SYCP1: variants seen among roughly 807,000 people sequenced by gnomAD.
The protein encoded by SYCP1 is synaptonemal complex protein 1.
In SYCP1, 64 loss-of-function variants were observed where a neutral mutation model predicts 153.1. The observed-to-expected ratio is 0.42, with a 90% CI of 0.34 to 0.51. The LOEUF (loss-of-function observed/expected upper bound fraction) is 0.51. Among genes scored for constraint, SYCP1 ranks in the 20% least tolerant of loss-of-function variants. SYCP1 has a pLI of 0.06. For missense variants in SYCP1, 997 were observed against 1,049.0 expected, an observed-to-expected ratio of 0.95 and a Z score of 0.68; for synonymous variants, 384 against 341.8, an observed-to-expected ratio of 1.12 and a Z score of -1.36.
chr1:114,950,460 T>G (rs1436968358), intron 27 of SYCP1, among the ~76,000 whole-genome samples: 5 of 152,098 alleles, frequency 3.3e-5, no homozygotes, highest in Admixed American at 2.6e-4. Flanking sequence ...TATAAAATAT[T>G]AATACAGAAA....
intron 18 of SYCP1, among the ~76,000 whole-genome samples, chr1:114,912,659 G>A (rs360661): frequency 0.49 from 73,958 of 151,656 alleles, 19,280 homozygotes; most frequent in Non-Finnish European, 0.59. Context: ...ACTTTAATCA[G>A]GTTATAGGAA....
chr1:114,869,835 G>T (rs1291131224), intron 8 of SYCP1, among the ~76,000 whole-genome samples: 1 of 152,098 alleles, frequency 6.6e-6, no homozygotes, highest in Admixed American at 6.5e-5. Context: ...TGCCTGCTGG[G>T]TCTGTCCATT....
intron 14 of SYCP1, among the ~76,000 whole-genome samples, chr1:114,886,523 G>T (rs1431161853): frequency 1.3e-5 from 2 of 152,060 alleles, no homozygotes; most frequent in Non-Finnish European, 2.9e-5. Flanking sequence ...TGTTCTCTAG[G>T]ATAGTTCTCA....
At chr1:114,875,616 C>T (rs72694077) in intron 9 of SYCP1, among the ~76,000 whole-genome samples, 9,264 of 152,150 alleles carry the variant, frequency 0.061, 322 homozygotes, top group Middle Eastern at 0.14. Context: ...AATAGGCACT[C>T]AGTAATTAAT....
chr1:114,908,625 C>T (rs187808707), intron 16 of SYCP1, among the ~76,000 whole-genome samples: 102 of 152,294 alleles, frequency 6.7e-4, no homozygotes, highest in Non-Finnish European at 1.1e-3. Context: ...TCCTTGTAAT[C>T]TCCATTGTGC....
intron 13 of SYCP1, 120 bp downstream of exon 13, chr1:114,885,749 A>G: frequency 1.7e-6 from 1 of 597,136 alleles, no homozygotes. Flanking sequence ...TAGAGAAGAC[A>G]CAATCCTAGT....
Position 114,995,298 on chromosome 1 carries a change from G to T in SYCP1, c.*279G>T. The T allele has an allele frequency of 4.4e-6, 1 of 226,036 alleles. No individual in the cohort carries two copies. Among genetic ancestry groups the T allele is most frequent in the Non-Finnish European group, 8.6e-6 (1 of 115,754 alleles). The allele number at this position is 226,036 out of a possible 1,614,324, so 14.0% of individuals were successfully genotyped here. A position where few individuals can be genotyped will look rare whatever the true frequency, so the allele number is the denominator to read the frequency against. On this transcript the variant is annotated 3_prime_UTR_variant, in exon 32 of 32. Transcript: ENST00000369522. Reference sequence around the variant, plus strand: ...CTAAGTTTTCAAATTTGTAAAGTTAGCCTTTGAATGCTAAGAATGCATTAT... The same window carrying T: ...CTAAGTTTTCAAATTTGTAAAGTTATCCTTTGAATGCTAAGAATGCATTAT...
chr1:114,940,902 G>A (rs969584686), intron 23 of SYCP1, among the ~76,000 whole-genome samples: 1 of 151,864 alleles, frequency 6.6e-6, no homozygotes, highest in African/African-American at 2.4e-5. Context: ...AATGATTGTG[G>A]ATTTCTGTTT....
rs1664255714 is a variant in SYCP1, at chr1:114,859,810, A to T, written c.524A>T (p.Glu175Val). The change falls in exon 7 of 32, where the codon GAG (glutamate) becomes GTG (valine). Residue 175 changes from glutamate to valine, a missense_variant and splice_region_variant. By Grantham distance (121) the Glu-to-Val change is moderately radical. Transcript: ENST00000369522. Reference sequence around the variant, plus strand: ...CAAGAAAATAAAGATTTAATAAAAGAGTAAGTAGTAATTTAATGAATTTGT... The same window carrying T: ...CAAGAAAATAAAGATTTAATAAAAGTGTAAGTAGTAATTTAATGAATTTGT... Reference protein sequence around the residue: ...GIQENKDLIKENNATRHLCNL... With the variant: ...GIQENKDLIKVNNATRHLCNL... 1.4e-6 allele frequency: 1 copy of T among 695,718 alleles called. No homozygotes were observed. The highest frequency in any genetic ancestry group is 2.1e-6 in the Non-Finnish European group (1 of 480,854). The allele number at this position is 695,718 out of a possible 1,614,324, so 43.1% of individuals were successfully genotyped here. A position where few individuals can be genotyped will look rare whatever the true frequency, so the allele number is the denominator to read the frequency against.
At chr1:114,966,742 T>C (rs144749899) in intron 27 of SYCP1, among the ~76,000 whole-genome samples, 58 of 151,846 alleles carry the variant, frequency 3.8e-4, no homozygotes, top group African/African-American at 1.2e-3. Context: ...TGGAGTGCAG[T>C]GGCGCCATCT....
chr1:114,890,435 G>A (rs866336909), intron 15 of SYCP1, among the ~76,000 whole-genome samples: 3 of 151,386 alleles, frequency 2.0e-5, no homozygotes, highest in Middle Eastern at 3.4e-3. Context: ...ATATGCATTT[G>A]TATTTTATAC....
chr1:114,963,412 G>A (rs905580185), intron 27 of SYCP1, among the ~76,000 whole-genome samples: 11 of 151,896 alleles, frequency 7.2e-5, no homozygotes, highest in South Asian at 6.2e-4. Flanking sequence ...TCTGGGATAC[G>A]TGTGCAGAAC....
At chr1:114,964,556 G>C (rs1671986233) in intron 27 of SYCP1, among the ~76,000 whole-genome samples, 1 of 152,108 alleles carries the variant, frequency 6.6e-6, no homozygotes, top group South Asian at 2.1e-4. Context: ...TTTTGTATAA[G>C]ATGTAAGGAA....
intron 21 of SYCP1, among the ~76,000 whole-genome samples, chr1:114,925,415 G>A (rs1459469009): frequency 6.6e-6 from 1 of 152,066 alleles, no homozygotes; most frequent in Non-Finnish European, 1.5e-5. Context: ...AAAATTAAAT[G>A]CATGACAAAT....
intron 27 of SYCP1, among the ~76,000 whole-genome samples, chr1:114,975,269 GT>G (rs11351936): frequency 0.39 from 58,153 of 150,614 alleles, 12,401 homozygotes; most frequent in East Asian, 0.5. Flanking sequence ...TCTTAATAAT[GT>G]TTTTGTCATC....
At chr1:114,979,149 G>A (rs1171309616) in intron 28 of SYCP1, among the ~76,000 whole-genome samples, 1 of 130,470 alleles carries the variant, frequency 7.7e-6, no homozygotes, top group Non-Finnish European at 1.7e-5. Flanking sequence ...TTTTTTTTTT[G>A]CTGTGCTTTA....
intron 20 of SYCP1, among the ~76,000 whole-genome samples, chr1:114,916,017 A>C (rs1486538288): frequency 6.6e-6 from 1 of 152,150 alleles, no homozygotes; most frequent in Non-Finnish European, 1.5e-5. Flanking sequence ...GGCAGGAACC[A>C]TGTTCAGCCC....
chr1:114,900,492 G>A (rs929571763), intron 16 of SYCP1, among the ~76,000 whole-genome samples: 2 of 152,128 alleles, frequency 1.3e-5, no homozygotes, highest in Non-Finnish European at 2.9e-5. Context: ...TGTTGGCCAG[G>A]CTGGTCTCAA....
chr1:114,929,848 C>T (rs1358476178), intron 23 of SYCP1, among the ~76,000 whole-genome samples: 2 of 151,898 alleles, frequency 1.3e-5, no homozygotes, highest in African/African-American at 4.8e-5. Context: ...TATTAACTAC[C>T]TTGATTTAAA....
Sources: allele counts gnomAD v4.1 joint callset (sites outside exome capture counted in the v4.1 genomes callset), GRCh38; gene constraint gnomAD v4.1.1; transcripts MANE v1.5; gene names NCBI Gene and HGNC (gene_info 2026-07-23, HGNC 2026-07-21).